Variants in PALLD observed in about 807,000 individuals in gnomAD.
PALLD encodes the protein palladin, cytoskeletal associated protein, also known as palladin.
PALLD carries 61 observed loss-of-function variants against 123.5 expected under a neutral mutation model. That is an observed-to-expected ratio of 0.49 (90% CI 0.40 to 0.61). The LOEUF is 0.61. Ranked by LOEUF, PALLD falls within the 20% of genes least tolerant of loss-of-function variation. The pLI is 0.00. For missense variants in PALLD, 1,273 were observed against 1,377.0 expected (o/e 0.92, Z 1.20); for synonymous variants, 465 against 496.4 (o/e 0.94, Z 0.84).
intron 10 of PALLD, among the ~76,000 whole-genome samples, chr4:168,797,255 T>C (rs968406913): frequency 2.0e-5 from 3 of 151,766 alleles, no homozygotes; most frequent in Admixed American, 1.3e-4. Context: ...TAGGCTTGCT[T>C]TGAAATCCCT....
intron 2 of PALLD, among the ~76,000 whole-genome samples, chr4:168,548,641 T>C (rs894161263): frequency 6.6e-6 from 1 of 152,112 alleles, no homozygotes; most frequent in Non-Finnish European, 1.5e-5. Context: ...GTGAGAACCA[T>C]TGTAGGAGAG....
intron 10 of PALLD, among the ~76,000 whole-genome samples, chr4:168,815,355 G>A (rs1033152310): frequency 3.9e-5 from 6 of 152,206 alleles, no homozygotes; most frequent in African/African-American, 9.6e-5. Flanking sequence ...AAGTCACTTT[G>A]TAAGGCACAT....
intron 8 of PALLD, among the ~76,000 whole-genome samples, chr4:168,691,708 C>G (rs1188449268): frequency 6.6e-6 from 1 of 152,116 alleles, no homozygotes; most frequent in East Asian, 1.9e-4. Flanking sequence ...CAAATGAGAG[C>G]AGCTCAAAGA....
intron 18 of PALLD, 34 bp from the exon 19 acceptor site, chr4:168,924,221 T>A (rs758532882): frequency 3.8e-5 from 61 of 1,587,594 alleles, no homozygotes; most frequent in Non-Finnish European, 1.2e-5. Flanking sequence ...CTTTTGTATA[T>A]CATTGATAGA....
chr4:168,508,081 G>T (rs1478566234), intron 1 of PALLD, among the ~76,000 whole-genome samples: 1 of 152,032 alleles, frequency 6.6e-6, no homozygotes. Flanking sequence ...CTATACCACT[G>T]CAGGATGACT....
In PALLD at chr4:168,690,735, C is replaced by T. The variant is rs1195126728; in HGVS notation, c.1468C>T (p.Leu490=). ...CCAAGACTCTCCAGATTTCCGAATT[C>T]TACAGAAAAGTAAGGAGAAGTGCCC... ...EIQDSPDFRI[L]QKKPRSTAEP... is the part of the protein sequence containing the mutation. The change falls in exon 7 of 22, where the codon CTA becomes TTA. Residue 490 remains leucine (L), a synonymous_variant. Transcript: ENST00000505667. The T allele has an allele frequency of 2.5e-6, 4 of 1,614,114 alleles. No homozygotes were observed. The highest frequency in any genetic ancestry group is 3.4e-6 in the Non-Finnish European group (4 of 1,180,006).
intron 10 of PALLD, among the ~76,000 whole-genome samples, chr4:168,787,123 C>T (rs1322671200): frequency 6.6e-6 from 1 of 152,166 alleles, no homozygotes. Flanking sequence ...TTACACCTTG[C>T]CAGGAAGGTT....
intron 2 of PALLD, among the ~76,000 whole-genome samples, chr4:168,591,305 G>T (rs1360085905): frequency 6.6e-6 from 1 of 152,184 alleles, no homozygotes; most frequent in Non-Finnish European, 1.5e-5. Context: ...GAGTCTGCCT[G>T]CTGAGGTGCA....
At chr4:168,866,368 C>T (rs1458094220) in intron 10 of PALLD, among the ~76,000 whole-genome samples, 1 of 151,710 alleles carries the variant, frequency 6.6e-6, no homozygotes, top group African/African-American at 2.4e-5. Context: ...CTACCACAAA[C>T]GTGTTCAAAA....
At chr4:168,913,819 A>C in intron 15 of PALLD, 108 bp from the exon 16 acceptor site, 1 of 829,232 alleles carries the variant, frequency 1.2e-6, no homozygotes, top group Non-Finnish European at 2.1e-6. Flanking sequence ...TGGCATACTG[A>C]ATTTTTTATG....
At chr4:168,682,977 A>C (rs369296179) in intron 4 of PALLD, 21 bp from the exon 5 acceptor site, 7 of 1,398,722 alleles carry the variant, frequency 5.0e-6, no homozygotes, top group African/African-American at 2.8e-5. Flanking sequence ...CTGACTAAAC[A>C]CTCACCTTCC....
intron 10 of PALLD, chr4:168,756,228 GA>G: frequency 5.3e-6 from 1 of 189,814 alleles, no homozygotes; most frequent in Non-Finnish European, 1.1e-5. Flanking sequence ...CCCAAGCCCA[GA>G]AAGATGAGTT....
chr4:168,817,987 G>A (rs926813073), intron 10 of PALLD, among the ~76,000 whole-genome samples: 2 of 152,112 alleles, frequency 1.3e-5, no homozygotes, highest in Non-Finnish European at 2.9e-5. Context: ...GAGCTAAACT[G>A]GAGTGCAAAA....
intron 10 of PALLD, among the ~76,000 whole-genome samples, chr4:168,797,020 A>T (rs1182926148): frequency 1.3e-5 from 2 of 152,166 alleles, no homozygotes; most frequent in African/African-American, 4.8e-5. Context: ...TACTTGTTTT[A>T]TTTCCCAAGA....
chr4:168,800,731 C>A (rs77011169), intron 10 of PALLD, among the ~76,000 whole-genome samples: 3,551 of 152,210 alleles, frequency 0.023, 116 homozygotes, highest in African/African-American at 0.08. Flanking sequence ...TATGCAAACT[C>A]TATGACCTAG....
At chr4:168,558,560 G>A (rs984808244) in intron 2 of PALLD, among the ~76,000 whole-genome samples, 17 of 152,226 alleles carry the variant, frequency 1.1e-4, no homozygotes, top group Admixed American at 4.6e-4. Flanking sequence ...TTCCCTCTCC[G>A]AACTCTGACC....
At chr4:168,631,935 G>C (rs1287523114) in intron 2 of PALLD, 1 of 983,296 alleles carries the variant, frequency 1.0e-6, no homozygotes, top group African/African-American at 1.7e-5. Context: ...CAGACATGGA[G>C]GAAATAAAGC....
chr4:168,771,062 C>CAG (rs1734345796), intron 10 of PALLD, among the ~76,000 whole-genome samples: 1 of 55,204 alleles, frequency 1.8e-5, no homozygotes, highest in Non-Finnish European at 3.8e-5. Context: ...GACTCCATCT[C>CAG]AAAAAAAAAA....
intron 2 of PALLD, among the ~76,000 whole-genome samples, chr4:168,596,865 T>C (rs1443924205): frequency 1.3e-5 from 2 of 152,126 alleles, no homozygotes; most frequent in Non-Finnish European, 2.9e-5. Context: ...GCTTATCTCA[T>C]TTAACCTTAA....
Sources: allele counts gnomAD v4.1 joint callset (sites outside exome capture counted in the v4.1 genomes callset), GRCh38; gene constraint gnomAD v4.1.1; transcripts MANE v1.5; gene names NCBI Gene and HGNC (gene_info 2026-07-23, HGNC 2026-07-21).